GMDS: variants seen among roughly 807,000 people sequenced by gnomAD.
GMDS encodes the protein GDP-mannose 4,6 dehydratase.
GMDS carries 20 observed loss-of-function variants against 49.9 expected under a neutral mutation model. That is an observed-to-expected ratio of 0.40 (90% CI 0.28 to 0.58). The LOEUF (loss-of-function observed/expected upper bound fraction) is 0.58. Among genes scored for constraint, GMDS ranks in the 20% least tolerant of loss-of-function variants. The pLI is 0.42. For missense variants in GMDS, 362 were observed against 481.4 expected, an observed-to-expected ratio of 0.75 and a Z score of 2.32; for synonymous variants, 177 against 178.6, an observed-to-expected ratio of 0.99 and a Z score of 0.07.
chr6:1,719,753 A>G (rs1766307125), intron 9 of GMDS, among the ~76,000 whole-genome samples: 1 of 152,220 alleles, frequency 6.6e-6, no homozygotes, highest in Non-Finnish European at 1.5e-5. Context: ...TCTATTCTTT[A>G]GGTGATGTAC....
chr6:2,017,097 A>C (rs1767948985), intron 4 of GMDS, among the ~76,000 whole-genome samples: 1 of 152,174 alleles, frequency 6.6e-6, no homozygotes, highest in Non-Finnish European at 1.5e-5. Context: ...AGAAAAATCA[A>C]TGAAGCCAAA....
intron 4 of GMDS, among the ~76,000 whole-genome samples, chr6:2,025,857 T>A (rs187565847): frequency 6.6e-6 from 1 of 152,136 alleles, no homozygotes; most frequent in South Asian, 2.1e-4. Flanking sequence ...GCCTGAATAA[T>A]CAGCTCTGTA....
chr6:1,966,890 CTTAA>C (rs924213650), intron 4 of GMDS, among the ~76,000 whole-genome samples: 1 of 152,208 alleles, frequency 6.6e-6, no homozygotes, highest in Admixed American at 6.5e-5. Flanking sequence ...TAGCCCACAC[CTTAA>C]TTTAGTCTGG....
chr6:1,644,735 C>G (rs62390644), intron 9 of GMDS, among the ~76,000 whole-genome samples: 1 of 152,044 alleles, frequency 6.6e-6, no homozygotes, highest in African/African-American at 2.4e-5. Context: ...CCAGGGTTCA[C>G]GGCCACCCCC....
At chr6:1,932,763 C>T (rs2127245906) in intron 6 of GMDS, among the ~76,000 whole-genome samples, 1 of 152,240 alleles carries the variant, frequency 6.6e-6, no homozygotes, top group South Asian at 2.1e-4. Context: ...TGGTCTCGAT[C>T]TCCTGACCTC....
intron 7 of GMDS, among the ~76,000 whole-genome samples, chr6:1,806,797 A>C (rs934872229): frequency 6.6e-5 from 10 of 152,144 alleles, no homozygotes; most frequent in Admixed American, 2.6e-4. Context: ...ATATCTCTCA[A>C]CTTCAGGAAC....
At chr6:1,912,359 T>G (rs1581348024) in intron 7 of GMDS, among the ~76,000 whole-genome samples, 1 of 150,994 alleles carries the variant, frequency 6.6e-6, no homozygotes, top group African/African-American at 2.4e-5. Context: ...GAGTGAGACT[T>G]TGTCTAAAAA....
chr6:2,116,726 G>A (rs75766604), intron 3 of GMDS, among the ~76,000 whole-genome samples: 2,560 of 152,236 alleles, frequency 0.017, 71 homozygotes, highest in African/African-American at 0.059. Flanking sequence ...TGACTGTATC[G>A]TCCTTGCTGG....
chr6:2,061,718 CA>C (rs68037512), intron 4 of GMDS, among the ~76,000 whole-genome samples: 1,143 of 57,012 alleles, frequency 0.02, 6 homozygotes, highest in Middle Eastern at 0.043. Flanking sequence ...GACTCTGTCT[CA>C]AAAAAAAAAA....
chr6:2,214,181 AT>A (rs1780208645), intron 1 of GMDS, among the ~76,000 whole-genome samples: 1 of 152,240 alleles, frequency 6.6e-6, no homozygotes, highest in Admixed American at 6.5e-5. Flanking sequence ...CATTCCATGA[AT>A]TCATAATGGT....
intron 1 of GMDS, among the ~76,000 whole-genome samples, chr6:2,198,560 C>CAAAAAAAA (rs749275809): frequency 1.3e-5 from 1 of 78,224 alleles, no homozygotes; most frequent in African/African-American, 4.5e-5. Context: ...AACAAATAAA[C>CAAAAAAAA]AAAAAAAAAA....
intron 4 of GMDS, among the ~76,000 whole-genome samples, chr6:1,961,504 GAC>G (rs1300322698): frequency 3.9e-5 from 6 of 152,020 alleles, no homozygotes; most frequent in African/African-American, 7.2e-5. Context: ...TTTAATTTGA[GAC>G]ACAGAGCATA....
intron 9 of GMDS, among the ~76,000 whole-genome samples, chr6:1,687,308 C>T (rs1162620101): frequency 3.9e-5 from 6 of 152,340 alleles, no homozygotes; most frequent in Admixed American, 6.5e-5. Context: ...CCGCACTTCA[C>T]GGGCTGGTTG....
intron 1 of GMDS, among the ~76,000 whole-genome samples, chr6:2,163,745 T>C (rs1329817212): frequency 1.3e-5 from 2 of 152,304 alleles, no homozygotes; most frequent in East Asian, 3.9e-4. Context: ...ACACACAGGA[T>C]GAACTAGCCA....
At chr6:1,979,257 T>G (rs979117133) in intron 4 of GMDS, among the ~76,000 whole-genome samples, 2 of 152,196 alleles carry the variant, frequency 1.3e-5, no homozygotes, top group African/African-American at 4.8e-5. Flanking sequence ...TTTGCTGAGC[T>G]AAGGGAGCAT....
At chr6:1,637,477 C>A (rs1763195870) in intron 9 of GMDS, among the ~76,000 whole-genome samples, 1 of 152,256 alleles carries the variant, frequency 6.6e-6, no homozygotes, top group South Asian at 2.1e-4. Flanking sequence ...GTCACCTGTG[C>A]CAAGTCAGGC....
At chr6:1,678,861 G>A (rs1458897861) in intron 9 of GMDS, among the ~76,000 whole-genome samples, 1 of 152,062 alleles carries the variant, frequency 6.6e-6, no homozygotes. Context: ...CACAAGTAAT[G>A]GAACACAGAC....
intron 8 of GMDS, among the ~76,000 whole-genome samples, chr6:1,739,199 C>T (rs768670124): frequency 1.3e-5 from 2 of 152,182 alleles, no homozygotes; most frequent in Non-Finnish European, 2.9e-5. Context: ...GAAAGAGGAG[C>T]GTCTTGGGTC....
chr6:1,681,486 G>A (rs2113308085), intron 9 of GMDS, among the ~76,000 whole-genome samples: 2 of 152,324 alleles, frequency 1.3e-5, no homozygotes, highest in African/African-American at 4.8e-5. Flanking sequence ...TTCAGGACAA[G>A]ATGGAAATCA....
Sources: allele counts gnomAD v4.1 joint callset (sites outside exome capture counted in the v4.1 genomes callset), GRCh38; gene constraint gnomAD v4.1.1; transcripts MANE v1.5; gene names NCBI Gene and HGNC (gene_info 2026-07-23, HGNC 2026-07-21).